Variants in TNIP1 observed in about 807,000 individuals in gnomAD.
TNIP1 encodes TNFAIP3-interacting protein 1.
TNIP1 carries 22 observed loss-of-function variants against 86.6 expected under a neutral mutation model. The ratio of observed to expected loss-of-function variants is 0.25; its 90% confidence interval spans 0.18 to 0.36. The LOEUF is 0.36. Among genes scored for constraint, TNIP1 ranks in the 10% least tolerant of loss-of-function variants. The probability of loss-of-function intolerance (pLI) is 1.00; values close to 1 mark genes in which losing one functional copy is unlikely to be tolerated. For synonymous variants in TNIP1, 294 were observed against 313.0 expected (o/e 0.94, Z 0.64); for missense variants, 709 against 820.6 (o/e 0.86, Z 1.66).
chr5:151,060,540 T>C (rs773143891), intron 4 of TNIP1, 145 bp from the exon 5 acceptor site: 29 of 696,834 alleles, frequency 4.2e-5, no homozygotes, highest in African/African-American at 5.3e-5. Flanking sequence ...TCACATGAGA[T>C]CACAAAGCAG....
intron 9 of TNIP1, 80 bp from the exon 10 acceptor site, chr5:151,043,041 C>A (rs1161675308): frequency 1.4e-6 from 2 of 1,435,724 alleles, no homozygotes; most frequent in Non-Finnish European, 2.0e-6. Flanking sequence ...TGTACACCAG[C>A]GTCCCAAGGT....
intron 8 of TNIP1, among the ~76,000 whole-genome samples, chr5:151,048,744 C>T (rs75136045): frequency 3.4e-3 from 516 of 152,278 alleles, no homozygotes; most frequent in Middle Eastern, 6.8e-3. Flanking sequence ...CAAGTCCCTT[C>T]CACAAGAGGG....
At chr5:151,034,671 C>T in intron 15 of TNIP1, 2 of 366,328 alleles carry the variant, frequency 5.5e-6, no homozygotes, top group South Asian at 4.6e-5. Flanking sequence ...GGCATGGGCA[C>T]AAAAGGCTGG....
intron 1 of TNIP1, among the ~76,000 whole-genome samples, chr5:151,077,985 T>C (rs949969454): frequency 6.6e-6 from 1 of 152,202 alleles, no homozygotes; most frequent in Non-Finnish European, 1.5e-5. Flanking sequence ...GTCATTTTTT[T>C]AGGGTCTGAC....
intron 5 of TNIP1, 144 bp from the exon 6 acceptor site, chr5:151,057,101 G>A: frequency 1.1e-6 from 1 of 922,698 alleles, no homozygotes; most frequent in Non-Finnish European, 1.5e-6. Context: ...CTCCAGTTAT[G>A]CAGGTTCCCT....
upstream of TNIP1, among the ~76,000 whole-genome samples, chr5:151,081,811 G>A (rs1312628391): frequency 6.6e-6 from 1 of 152,018 alleles, no homozygotes; most frequent in Non-Finnish European, 1.5e-5. Flanking sequence ...ATGTGGGCTA[G>A]ATAATCCCAA....
In TNIP1 at chr5:151,030,074, G is replaced by C. The variant is rs1272423826; in HGVS notation, c.*639C>G. 1 of 456,874 alleles carries C rather than the reference G, an allele frequency of 2.2e-6. No homozygotes were observed. 28.3% of individuals were successfully genotyped at this position (456,874 alleles called of 1,614,324 possible). On this transcript the variant is annotated 3_prime_UTR_variant, in exon 18 of 18. Coordinates refer to ENST00000521591, the MANE Select transcript of TNIP1 (RefSeq NM_006058.5). ...ATGGGGTCCAGGGTCTGAACCTCAG[G>C]GCCTGGCAGCTTCAGGCTGGCGCCC...
In TNIP1 at chr5:151,033,738, T is replaced by C. The variant is rs781766260; in HGVS notation, c.1649A>G (p.Tyr550Cys). The C allele has an allele frequency of 1.4e-5, 19 of 1,361,614 alleles. No individual in the cohort carries two copies. The highest frequency in any genetic ancestry group is 1.8e-5 in the Non-Finnish European group (19 of 1,048,606). The allele number at this position is 1,361,614 out of a possible 1,614,324, so 84.3% of individuals were successfully genotyped here. A position where few individuals can be genotyped will look rare whatever the true frequency, so the allele number is the denominator to read the frequency against. Residue 550 changes from tyrosine to cysteine, a missense_variant, in exon 16 of 18, where the codon TAC becomes TGC. Physicochemically the swap from Tyr to Cys is radical, Grantham distance 194. Transcript: ENST00000521591. ...HPEHLCGAYP[Y>C]AYPPMPAMVP... ...CATGGCTGGCATGGGCGGGTAGGCG[T>C]AGGGGTAGGCCCCGCAGAGATGTTC... is the stretch of plus-strand genomic sequence containing the variant.
Position 151,080,936 on chromosome 5 carries a change from C to T in TNIP1, c.-93G>A, listed in dbSNP as rs1763959883. On this transcript the variant is annotated 5_prime_UTR_variant, in exon 1 of 18. Transcript: ENST00000521591. ...CCGCTTGCTGCGTCCAGCCCCGAATCCAGGGACGGGGCAGCGGCCCGGGCA... is the reference window on the plus strand; with the variant it reads ...CCGCTTGCTGCGTCCAGCCCCGAATTCAGGGACGGGGCAGCGGCCCGGGCA... 6.6e-6 allele frequency: 1 copy of T among 152,236 alleles called. No homozygotes were observed. Among genetic ancestry groups the T allele is most frequent in the Non-Finnish European group, 1.5e-5 (1 of 68,052 alleles). The allele number at this position is 152,236 out of a possible 1,614,324, so 9.4% of individuals were successfully genotyped here.
intron 9 of TNIP1, among the ~76,000 whole-genome samples, chr5:151,043,273 T>G (rs1212686314): frequency 6.6e-6 from 1 of 152,198 alleles, no homozygotes; most frequent in Non-Finnish European, 1.5e-5. Context: ...TATTGAAATT[T>G]CACATTTTCA....
At position 151,035,674 on chromosome 5, in the gene TNIP1, G is replaced by A. The variant is rs1757606040; in HGVS notation, c.1429C>T (p.Arg477Cys). 3.1e-6 allele frequency: 5 copies of A among 1,614,066 alleles called. No individual in the cohort carries two copies. Among genetic ancestry groups the A allele is most frequent in the Non-Finnish European group, 4.2e-6 (5 of 1,180,012 alleles). Residue 477 changes from arginine (R) to cysteine (C), a missense_variant, in exon 14 of 18, where the codon CGC becomes TGC. Physicochemically the swap from Arg to Cys is radical, Grantham distance 180. Coordinates refer to ENST00000521591, the MANE Select transcript of TNIP1 (RefSeq NM_006058.5). ...KIFEEDFQRE[R>C]SDRERMNEEK... ...TCATTCATGCGCTCACGATCACTGCGCTCCCTCTGGAAGTCCTCCTCGAAG... is the reference window on the plus strand; with the variant it reads ...TCATTCATGCGCTCACGATCACTGCACTCCCTCTGGAAGTCCTCCTCGAAG...
At chr5:151,036,604 GA>G (rs1221302290) in intron 13 of TNIP1, among the ~76,000 whole-genome samples, 185 bp downstream of exon 13, 1 of 152,212 alleles carries the variant, frequency 6.6e-6, no homozygotes, top group African/African-American at 2.4e-5. Flanking sequence ...GGTGGTAGAG[GA>G]ACGACTTAAG....
chr5:151,045,098 A>AT (rs199940816), intron 9 of TNIP1, among the ~76,000 whole-genome samples: 2,953 of 147,828 alleles, frequency 0.02, 83 homozygotes, highest in African/African-American at 0.061. Context: ...GTAGGTAGCT[A>AT]TTTTTTTTTT....
Position 151,039,101 on chromosome 5 carries a change from T to C in TNIP1, c.1259A>G (p.Asn420Ser). Residue 420 changes from asparagine (N) to serine (S), a missense_variant, in exon 12 of 18, where the codon AAC (asparagine) becomes AGC (serine). Asn to Ser is a conservative substitution (Grantham distance 46, BLOSUM62 1). Transcript: ENST00000521591. Reference protein sequence around the residue: ...EYQEKEIQRLNKALEEALSIQ... With the variant: ...EYQEKEIQRLSKALEEALSIQ... The stretch of plus-strand genomic sequence containing the variant: ...GACCCGGGCCAAGGCACCCACCTTG[T>C]TGAGCCGCTGGATCTCCTTTTCCTG... The C allele has an allele frequency of 6.2e-7, 1 of 1,613,136 alleles. No individual in the cohort carries two copies. The highest frequency in any genetic ancestry group is 8.5e-7 in the Non-Finnish European group (1 of 1,179,544).
At chr5:151,058,255 T>C (rs1011885273) in intron 5 of TNIP1, among the ~76,000 whole-genome samples, 2 of 152,176 alleles carry the variant, frequency 1.3e-5, no homozygotes, top group African/African-American at 4.8e-5. Context: ...GCCCAAGCAT[T>C]CATCAGCTTC....
chr5:151,058,254 T>C (rs1760940953), intron 5 of TNIP1, among the ~76,000 whole-genome samples: 1 of 152,172 alleles, frequency 6.6e-6, no homozygotes, highest in South Asian at 2.1e-4. Flanking sequence ...GGCCCAAGCA[T>C]TCATCAGCTT....
At chr5:151,035,827 G>T in intron 13 of TNIP1, 120 bp from the exon 14 acceptor site, 1 of 1,317,068 alleles carries the variant, frequency 7.6e-7, no homozygotes, top group Non-Finnish European at 1.0e-6. Flanking sequence ...GGGTCGCCAT[G>T]GGGAGTGGGA....
chr5:151,061,122 G>A lies in TNIP1; in HGVS notation c.358-727C>T, dbSNP rs555498019. 3.3e-5 allele frequency among the ~76,000 whole-genome samples: 5 copies of A among 152,274 alleles called. No individual in the cohort carries two copies. The East Asian group carries it at 7.7e-4, about 23-fold the overall frequency. On this transcript the variant is annotated intron_variant, in intron 4 of 17. Transcript: ENST00000521591. Reference sequence around the variant, plus strand: ...TTCCGTCATTCCTAGTAGAATTACTGGTCATTCAACCAACCAAGAAGCCAA... The same window carrying A: ...TTCCGTCATTCCTAGTAGAATTACTAGTCATTCAACCAACCAAGAAGCCAA...
At chr5:151,045,645 CAG>C (rs1420372864) in intron 9 of TNIP1, among the ~76,000 whole-genome samples, 2 of 152,214 alleles carry the variant, frequency 1.3e-5, no homozygotes, top group Non-Finnish European at 2.9e-5. Flanking sequence ...GCCACCTCCT[CAG>C]AGTGACCACT....
Sources: gnomAD v4.1 joint callset for allele counts (sites outside exome capture counted in the v4.1 genomes callset) on GRCh38, gnomAD v4.1.1 for gene constraint, MANE v1.5 for transcripts, NCBI Gene and HGNC (gene_info 2026-07-23, HGNC 2026-07-21) for gene names.